The following FAM13A variants were observed in gnomAD, a reference collection of about 807,000 sequenced individuals.
FAM13A encodes the protein protein FAM13A.
In FAM13A, 76 loss-of-function variants were observed where a neutral mutation model predicts 129.6. That is an observed-to-expected ratio of 0.59 (90% CI 0.49 to 0.71). The LOEUF is 0.71. FAM13A is among the 30% of genes least tolerant of loss of function. FAM13A has a pLI of 0.00. For missense variants in FAM13A, 1,108 were observed against 1,249.3 expected (o/e 0.89, Z 1.70); for synonymous variants, 443 against 449.9 (o/e 0.98, Z 0.20).
chr4:88,901,032 A>G (rs1374107760), intron 6 of FAM13A, among the ~76,000 whole-genome samples: 3 of 152,056 alleles, frequency 2.0e-5, no homozygotes, highest in Non-Finnish European at 4.4e-5. Flanking sequence ...CAACAACAAT[A>G]AAAAAAGACA....
chr4:88,855,105 T>C (rs1738268760), intron 6 of FAM13A, among the ~76,000 whole-genome samples: 1 of 152,198 alleles, frequency 6.6e-6, no homozygotes. Flanking sequence ...CAGGCCTCAG[T>C]ACCTGTGCTT....
chr4:88,807,272 T>C (rs948645486), intron 7 of FAM13A, among the ~76,000 whole-genome samples: 8 of 152,198 alleles, frequency 5.3e-5, no homozygotes, highest in Admixed American at 2.0e-4. Context: ...TGTGTGTCTG[T>C]GTGCTAAATT....
intron 10 of FAM13A, among the ~76,000 whole-genome samples, chr4:88,784,140 T>C (rs777260944): frequency 6.6e-6 from 1 of 152,234 alleles, no homozygotes; most frequent in Non-Finnish European, 1.5e-5. Context: ...GTTGTGCTCA[T>C]GGACAAATCC....
At chr4:89,056,663 G>T (rs1772228316) in intron 1 of FAM13A, among the ~76,000 whole-genome samples, 2 of 152,274 alleles carry the variant, frequency 1.3e-5, no homozygotes, top group African/African-American at 4.8e-5. Context: ...TAAAATGCTT[G>T]AAAGTGCTCT....
At position 88,758,764 on chromosome 4, in the gene FAM13A, C is replaced by G; in HGVS notation, c.1716G>C (p.Lys572Asn). ...QSDLTALCDE[K>N]NWEEPIPAFS... is the part of the protein sequence containing the mutation. ...ATCAGACAACCCTACCTTCCCAGTT[C>G]TTTTCATCACACAATGCAGTCAGGT... The change falls in exon 14 of 24, where the codon AAG becomes AAC. Residue 572 changes from lysine (K) to asparagine (N), a missense_variant. By Grantham distance (94) the Lys-to-Asn change is moderately conservative. Around this residue, in one of 3 missense-constraint regions of FAM13A, gnomAD observed 529 missense variants for 621.2 expected, o/e 0.85. Coordinates refer to ENST00000264344, the MANE Select transcript of FAM13A (RefSeq NM_014883.4). 6.2e-7 allele frequency: 1 copy of G among 1,612,992 alleles called. No individual in the cohort carries two copies. The highest frequency in any genetic ancestry group is 8.5e-7 in the Non-Finnish European group (1 of 1,179,488).
chr4:88,850,917 A>G (rs1737452154), intron 7 of FAM13A, 103 bp downstream of exon 7: 1 of 1,025,392 alleles, frequency 9.8e-7, no homozygotes, highest in East Asian at 2.4e-5. Context: ...TATATCCTGT[A>G]AACTCCAGTG....
At chr4:88,924,332 C>G (rs1176449993) in intron 5 of FAM13A, among the ~76,000 whole-genome samples, 1 of 152,176 alleles carries the variant, frequency 6.6e-6, no homozygotes, top group Non-Finnish European at 1.5e-5. Flanking sequence ...ACCAAAACAG[C>G]ATGGTACTGG....
intron 7 of FAM13A, chr4:88,823,264 G>A (rs1732396195): frequency 1.6e-6 from 2 of 1,262,170 alleles, no homozygotes; most frequent in Non-Finnish European, 2.0e-6. Flanking sequence ...TTGTTCCAGG[G>A]AAGCAGCTGA....
At chr4:88,817,484 A>AC (rs1310715452) in intron 7 of FAM13A, among the ~76,000 whole-genome samples, 1 of 151,636 alleles carries the variant, frequency 6.6e-6, no homozygotes, top group Non-Finnish European at 1.5e-5. Flanking sequence ...AATTGCTTGA[A>AC]CCCAGGAGGC....
At chr4:88,912,902 G>A (rs1337286945) in intron 5 of FAM13A, among the ~76,000 whole-genome samples, 1 of 151,986 alleles carries the variant, frequency 6.6e-6, no homozygotes, top group Non-Finnish European at 1.5e-5. Context: ...GACCTATTGA[G>A]CCCAAGAGGT....
At chr4:88,991,643 T>C (rs1340558667) in intron 3 of FAM13A, among the ~76,000 whole-genome samples, 2 of 152,230 alleles carry the variant, frequency 1.3e-5, no homozygotes, top group Non-Finnish European at 2.9e-5. Flanking sequence ...AAATCAGGAT[T>C]CTTTTGAATA....
chr4:88,996,294 C>G (rs957021211), intron 3 of FAM13A, among the ~76,000 whole-genome samples: 1 of 152,142 alleles, frequency 6.6e-6, no homozygotes, highest in Admixed American at 6.6e-5. Context: ...AGGACCACTC[C>G]GGCTGCTCTG....
At chr4:88,810,169 T>A (rs1213640674) in intron 7 of FAM13A, among the ~76,000 whole-genome samples, 1 of 152,124 alleles carries the variant, frequency 6.6e-6, no homozygotes, top group Non-Finnish European at 1.5e-5. Flanking sequence ...AGAGGTATTA[T>A]TCTGAAGGCA....
intron 5 of FAM13A, among the ~76,000 whole-genome samples, chr4:88,909,222 C>T (rs552628342): frequency 4.4e-4 from 67 of 152,148 alleles, no homozygotes; most frequent in Middle Eastern, 3.4e-3. Flanking sequence ...AATGGATAAA[C>T]AAGACATGGT....
At chr4:88,919,066 C>T (rs757822640) in intron 5 of FAM13A, among the ~76,000 whole-genome samples, 13 of 152,208 alleles carry the variant, frequency 8.5e-5, no homozygotes, top group Non-Finnish European at 1.8e-4. Context: ...CCATTAACTA[C>T]TCTGACACTA....
intron 10 of FAM13A, among the ~76,000 whole-genome samples, chr4:88,785,724 A>C (rs562370743): frequency 6.6e-6 from 1 of 152,310 alleles, no homozygotes; most frequent in Admixed American, 6.5e-5. Flanking sequence ...AGACAAAATT[A>C]GTGGATCTGG....
chr4:88,745,195 AT>A (rs1234693086), intron 19 of FAM13A, among the ~76,000 whole-genome samples: 1 of 152,084 alleles, frequency 6.6e-6, no homozygotes, highest in Non-Finnish European at 1.5e-5. Context: ...CTGTAACATC[AT>A]TTAATCTCCT....
At chr4:89,056,271 G>T (rs187507112) in intron 1 of FAM13A, among the ~76,000 whole-genome samples, 1 of 152,046 alleles carries the variant, frequency 6.6e-6, no homozygotes, top group Admixed American at 6.6e-5. Context: ...AAAAGGTTTT[G>T]TACAAGCACC....
chr4:88,931,367 C>T (rs960191347), intron 5 of FAM13A, among the ~76,000 whole-genome samples: 1 of 152,098 alleles, frequency 6.6e-6, no homozygotes, highest in African/African-American at 2.4e-5. Flanking sequence ...TTTCCTATAT[C>T]CAAAACTATA....
Sources: allele counts gnomAD v4.1 joint callset (sites outside exome capture counted in the v4.1 genomes callset), GRCh38; gene constraint gnomAD v4.1.1; regional missense constraint gnomAD v4.1.1; transcripts MANE v1.5; gene names NCBI Gene and HGNC (gene_info 2026-07-23, HGNC 2026-07-21).